LRFN2: variants seen among roughly 807,000 people sequenced by gnomAD.
LRFN2 encodes the protein leucine-rich repeat and fibronectin type-III domain-containing protein 2.
LRFN2 carries 18 observed loss-of-function variants against 37.3 expected under a neutral mutation model. The ratio of observed to expected loss-of-function variants is 0.48; its 90% CI spans 0.33 to 0.72. The LOEUF (loss-of-function observed/expected upper bound fraction) is 0.72, where lower values mean the gene tolerates loss of function less well. Ranked by LOEUF, LRFN2 falls within the 30% of genes least tolerant of loss-of-function variation. LRFN2 has a pLI of 0.02. For missense variants in LRFN2, 1,006 were observed against 1,060.7 expected (o/e 0.95, Z 0.72); for synonymous variants, 556 against 466.6 (o/e 1.19, Z -2.47).
At chr6:40,445,014 C>G (rs933881975) in intron 1 of LRFN2, among the ~76,000 whole-genome samples, 3 of 152,080 alleles carry the variant, frequency 2.0e-5, no homozygotes, top group East Asian at 1.9e-4. Context: ...ACCTCACCCC[C>G]CCAGGGACCT....
At chr6:40,406,373 C>T (rs919919650) in intron 2 of LRFN2, among the ~76,000 whole-genome samples, 1 of 152,166 alleles carries the variant, frequency 6.6e-6, no homozygotes, top group Non-Finnish European at 1.5e-5. Context: ...GCAGGCCAGC[C>T]GTCTGAGGTC....
At chr6:40,402,233 G>A (rs1233622618) in intron 2 of LRFN2, among the ~76,000 whole-genome samples, 1 of 149,900 alleles carries the variant, frequency 6.7e-6, no homozygotes, top group African/African-American at 2.4e-5. Context: ...GACTGTATGA[G>A]GTAGGAATAA....
At chr6:40,442,756 C>T (rs573416987) in intron 1 of LRFN2, among the ~76,000 whole-genome samples, 11 of 151,624 alleles carry the variant, frequency 7.3e-5, no homozygotes, top group African/African-American at 2.4e-4. Flanking sequence ...GAGCAATGTC[C>T]TCATGTTTCC....
At chr6:40,425,335 C>T (rs193212143) in intron 2 of LRFN2, among the ~76,000 whole-genome samples, 138 of 152,340 alleles carry the variant, frequency 9.1e-4, no homozygotes, top group African/African-American at 3.1e-3. Flanking sequence ...AGGAGCATGC[C>T]TGCTCTTCCC....
chr6:40,393,386 AC>A (rs1404421227), intron 2 of LRFN2, among the ~76,000 whole-genome samples: 3 of 152,014 alleles, frequency 2.0e-5, no homozygotes, highest in Non-Finnish European at 4.4e-5. Flanking sequence ...ATATATGGAA[AC>A]AAAAACACAA....
chr6:40,507,712 G>C (rs1482502694), intron 1 of LRFN2, among the ~76,000 whole-genome samples: 1 of 152,196 alleles, frequency 6.6e-6, no homozygotes, highest in African/African-American at 2.4e-5. Flanking sequence ...GTCAAGAAAT[G>C]CTGGCGACAG....
At chr6:40,515,200 G>A (rs915538271) in intron 1 of LRFN2, among the ~76,000 whole-genome samples, 6 of 152,202 alleles carry the variant, frequency 3.9e-5, no homozygotes, top group African/African-American at 1.4e-4. Flanking sequence ...TGAGTAAAGG[G>A]GGGAAGGGGA....
chr6:40,416,999 G>T, intron 2 of LRFN2, among the ~76,000 whole-genome samples: 1 of 152,170 alleles, frequency 6.6e-6, no homozygotes, highest in East Asian at 1.9e-4. Context: ...CCTGGCCTGG[G>T]AGAAGTAGCT....
chr6:40,582,156 TG>T (rs1020611866), intron 1 of LRFN2, among the ~76,000 whole-genome samples: 3 of 151,876 alleles, frequency 2.0e-5, no homozygotes, highest in African/African-American at 7.3e-5. Context: ...TACACCAAAA[TG>T]GGGTAGAGGA....
At position 40,562,377 on chromosome 6, in the gene LRFN2, T is replaced by C. The variant is rs141635969; in HGVS notation, c.-19+24564A>G. 2.9e-4 allele frequency among the ~76,000 whole-genome samples: 44 copies of C among 151,990 alleles called. No individual in the cohort carries two copies. In the East Asian group the frequency reaches 7.4e-3, roughly 26 times the overall value. On this transcript the variant is annotated intron_variant, in intron 1 of 2. Transcript: ENST00000338305. The stretch of plus-strand genomic sequence containing the variant: ...GCAGACCTAAGGGCCCTAGAAGGCT[T>C]CCTGGGGTTGGATGAGTAGGAATAT...
At chr6:40,507,727 T>A (rs940279362) in intron 1 of LRFN2, among the ~76,000 whole-genome samples, 1 of 152,188 alleles carries the variant, frequency 6.6e-6, no homozygotes, top group Admixed American at 6.5e-5. Flanking sequence ...CGACAGCTTG[T>A]TTTGTTTGGA....
At chr6:40,401,374 G>T (rs1762737693) in intron 2 of LRFN2, among the ~76,000 whole-genome samples, 1 of 152,132 alleles carries the variant, frequency 6.6e-6, no homozygotes, top group Non-Finnish European at 1.5e-5. Context: ...TAGCTCGGGT[G>T]CCTTCCCCAC....
intron 1 of LRFN2, among the ~76,000 whole-genome samples, chr6:40,443,447 G>T (rs183683273): frequency 4.0e-4 from 61 of 152,322 alleles, no homozygotes; most frequent in Admixed American, 2.0e-3. Context: ...ATGAGATACG[G>T]ATCAGGACTT....
At chr6:40,556,311 G>T (rs1003008357) in intron 1 of LRFN2, among the ~76,000 whole-genome samples, 3 of 152,180 alleles carry the variant, frequency 2.0e-5, no homozygotes, top group Admixed American at 6.5e-5. Flanking sequence ...CTTTTCTGGG[G>T]CTCTGACACC....
At chr6:40,500,952 T>A (rs1042236300) in intron 1 of LRFN2, among the ~76,000 whole-genome samples, 2 of 47,410 alleles carry the variant, frequency 4.2e-5, no homozygotes, top group Non-Finnish European at 9.3e-5. Context: ...GTTTTTTCAC[T>A]TTTTTTTTTT....
intron 1 of LRFN2, among the ~76,000 whole-genome samples, chr6:40,560,591 T>C (rs10807241): frequency 0.47 from 72,118 of 151,908 alleles, 18,146 homozygotes; most frequent in African/African-American, 0.64. Context: ...TCACATCAAA[T>C]CAGATCTGCC....
chr6:40,584,298 T>C (rs1434147138), intron 1 of LRFN2, among the ~76,000 whole-genome samples: 1 of 152,210 alleles, frequency 6.6e-6, no homozygotes, highest in East Asian at 1.9e-4. Flanking sequence ...AATACATCTA[T>C]TGGGTACATG....
intron 1 of LRFN2, among the ~76,000 whole-genome samples, chr6:40,448,180 C>A (rs12198137): frequency 0.26 from 39,787 of 151,930 alleles, 6,111 homozygotes; most frequent in Middle Eastern, 0.4. Flanking sequence ...TTGGGATTTG[C>A]GGGCTTGCTG....
intron 1 of LRFN2, among the ~76,000 whole-genome samples, chr6:40,511,004 A>G (rs745774310): frequency 5.3e-5 from 8 of 152,202 alleles, no homozygotes; most frequent in Non-Finnish European, 1.2e-4. Context: ...CAGGATAAAT[A>G]GGAAGTGAGC....
Sources: gnomAD v4.1 joint callset for allele counts (sites outside exome capture counted in the v4.1 genomes callset) on GRCh38, gnomAD v4.1.1 for gene constraint, MANE v1.5 for transcripts, NCBI Gene and HGNC (gene_info 2026-07-23, HGNC 2026-07-21) for gene names.